The following SCIN variants were observed in gnomAD, a reference collection of about 807,000 sequenced individuals.
SCIN encodes scinderin.
SCIN carries 91 observed loss-of-function variants against 91.8 expected under a neutral mutation model. That is an observed-to-expected ratio of 0.99 (90% confidence interval 0.84 to 1.18). The LOEUF (loss-of-function observed/expected upper bound fraction) is 1.18, where lower values mean the gene tolerates loss of function less well. SCIN is among the 50% of genes most tolerant of loss of function. The pLI, the probability that SCIN is intolerant of heterozygous loss-of-function variation, is 0.00. For synonymous variants in SCIN, 367 were observed against 312.6 expected, an observed-to-expected ratio of 1.17 and a Z score of -1.84; for missense variants, 1,087 against 863.9, an observed-to-expected ratio of 1.26 and a Z score of -3.24.
intron 13 of SCIN, among the ~76,000 whole-genome samples, chr7:12,648,295 C>CTT (rs35618552): frequency 1.8e-3 from 247 of 133,578 alleles, no homozygotes; most frequent in Non-Finnish European, 1.9e-3. Flanking sequence ...CTCTCTCTCT[C>CTT]TTTTTTTTTT....
At chr7:12,586,844 C>T (rs1180871595) in intron 3 of SCIN, among the ~76,000 whole-genome samples, 1 of 152,078 alleles carries the variant, frequency 6.6e-6, no homozygotes, top group Non-Finnish European at 1.5e-5. Flanking sequence ...ATAAATACTT[C>T]ATCTTCTCAC....
At position 12,622,840 on chromosome 7, in the gene SCIN, G is replaced by T; in HGVS notation, c.706G>T (p.Asp236Tyr). ...GCCAGAGCTTCCAGATGGAGGTGAT[G>T]ATGATGACATTATAGCAGACATAAG... ...EKPELPDGGDDDDIIADISNR... is the reference protein window; with the variant it reads ...EKPELPDGGDYDDIIADISNR... Residue 236 changes from aspartate (D) to tyrosine (Y), a missense_variant, in exon 5 of 16, where the codon GAT becomes TAT. Asp to Tyr is a radical substitution (Grantham distance 160). Coordinates refer to ENST00000297029, the MANE Select transcript of SCIN (RefSeq NM_001112706.3). The T allele has an allele frequency of 6.2e-7, 1 of 1,613,262 alleles. No individual in the cohort carries two copies. Among genetic ancestry groups the T allele is most frequent in the Non-Finnish European group, 8.5e-7 (1 of 1,179,406 alleles).
Position 12,622,827 on chromosome 7 carries a change from A to G in SCIN, c.693A>G (p.Pro231=). 1 of 1,613,172 alleles carries G rather than the reference A, an allele frequency of 6.2e-7. No individual in the cohort carries two copies. Among genetic ancestry groups the G allele is most frequent in the Non-Finnish European group, 8.5e-7 (1 of 1,179,346 alleles). Residue 231 remains proline (P), a synonymous_variant, in exon 5 of 16, where the codon CCA becomes CCG. Transcript: ENST00000297029. ...TCTTAGGGGAAAAGCCAGAGCTTCC[A>G]GATGGAGGTGATGATGATGACATTA... is the stretch of plus-strand genomic sequence containing the variant. ...IKVLGEKPEL[P]DGGDDDDIIA...
rs1182872691 is a variant in SCIN at position 12,659,482 on chromosome 7, T to C, written c.*6767T>C. The stretch of plus-strand genomic sequence containing the variant: ...GTTGGGATAAAGAGTCTTCCAAACA[T>C]GTGCCATTTTGGCATGGATATCTAA... On this transcript the variant is annotated 3_prime_UTR_variant, in exon 16 of 16. Coordinates refer to ENST00000297029, the MANE Select transcript of SCIN (RefSeq NM_001112706.3). The C allele has an allele frequency of 6.6e-6, 1 of 152,206 alleles. No homozygotes were observed. Among genetic ancestry groups the C allele is most frequent in the Non-Finnish European group, 1.5e-5 (1 of 68,034 alleles). The allele number at this position is 152,206 out of a possible 1,614,324, so 9.4% of individuals were successfully genotyped here.
rs988985255 is a variant in SCIN, at chr7:12,654,137, G to A, written c.*1422G>A. 3.3e-5 allele frequency: 5 copies of A among 152,114 alleles called. No homozygotes were observed. In the East Asian group the frequency reaches 9.7e-4, roughly 30 times the overall value. The allele number at this position is 152,114 out of a possible 1,614,324, so 9.4% of individuals were successfully genotyped here. A position where few individuals can be genotyped will look rare whatever the true frequency, so the allele number is the denominator to read the frequency against. ...GGGCCCTAAAGGATGAACAATGTAG[G>A]GTCCAACAATTCATCCCACATGAAT... On this transcript the variant is annotated 3_prime_UTR_variant, in exon 16 of 16. Coordinates refer to ENST00000297029, the MANE Select transcript of SCIN (RefSeq NM_001112706.3).
At position 12,620,678 on chromosome 7, in the gene SCIN, A is replaced by G. The variant is rs186879972; in HGVS notation, c.667-2123A>G. ...GTGGGTAGGAGATCCAAATTGGAGG[A>G]GAGGAAGTATTTAAAACTGACCACA... On this transcript the variant is annotated intron_variant, in intron 4 of 15. Coordinates refer to ENST00000297029, the MANE Select transcript of SCIN (RefSeq NM_001112706.3). 2.6e-5 allele frequency among the ~76,000 whole-genome samples: 4 copies of G among 152,276 alleles called. No individual in the cohort carries two copies. The East Asian group carries it at 7.7e-4, about 29-fold the overall frequency.
intron 3 of SCIN, among the ~76,000 whole-genome samples, chr7:12,584,665 A>G (rs1030236213): frequency 6.6e-6 from 1 of 152,206 alleles, no homozygotes; most frequent in Non-Finnish European, 1.5e-5. Flanking sequence ...AGACAATAAC[A>G]TGAAATGTGG....
At position 12,657,556 on chromosome 7, in the gene SCIN, A is replaced by G. The variant is rs1562642314; in HGVS notation, c.*4841A>G. ...TGTGTGTGTATATATATATATATAT[A>G]TATATATATATATATATTTTTTTTT... is the stretch of plus-strand genomic sequence containing the variant. On this transcript the variant is annotated 3_prime_UTR_variant, in exon 16 of 16. Coordinates refer to ENST00000297029, the MANE Select transcript of SCIN (RefSeq NM_001112706.3). 16 of 15,846 alleles carry G rather than the reference A, an allele frequency of 1.0e-3. No individual in the cohort carries two copies. Among genetic ancestry groups the G allele is most frequent in the African/African-American group, 4.0e-3 (15 of 3,706 alleles). 1.0% of individuals were successfully genotyped at this position (15,846 alleles called of 1,614,324 possible).
intron 15 of SCIN, among the ~76,000 whole-genome samples, chr7:12,652,379 G>C (rs551535328): frequency 6.6e-6 from 1 of 152,290 alleles, no homozygotes; most frequent in Non-Finnish European, 1.5e-5. Context: ...AAATCAAAAA[G>C]AAATTGTATT....
chr7:12,635,611 C>CAAAAAAAAAAAAAAAAAAAAAAAA lies in SCIN; in HGVS notation c.1320-426_1320-403dup. On this transcript the variant is annotated intron_variant, in intron 9 of 15. Transcript: ENST00000297029. Reference sequence around the variant, plus strand: ...CGGGCGACAGTGCAGGACTCCGTCTCAAAAAAAAAAAAAAAAAAAAAAAAA... The same window carrying CAAAAAAAAAAAAAAAAAAAAAAAA: ...CGGGCGACAGTGCAGGACTCCGTCTCAAAAAAAAAAAAAAAAAAAAAAAAAAAAAAAAAAAAAAAAAAAAAAAAA... Among the ~76,000 whole-genome samples, 2 of 5,856 alleles carry CAAAAAAAAAAAAAAAAAAAAAAAA rather than the reference C, an allele frequency of 3.4e-4. 1 individual carries two copies. The highest frequency in any genetic ancestry group is 9.0e-4 in the Non-Finnish European group (2 of 2,224). 3.8% of individuals were successfully genotyped at this position (5,856 alleles called of 152,430 possible). A position where few individuals can be genotyped will look rare whatever the true frequency, so the allele number is the denominator to read the frequency against.
At chr7:12,571,695 A>T in intron 1 of SCIN, 1 of 369,274 alleles carries the variant, frequency 2.7e-6, no homozygotes, top group Non-Finnish European at 5.4e-6. Context: ...ATATTTATGT[A>T]GACTGCTTTA....
intron 1 of SCIN, chr7:12,577,514 A>G: frequency 2.2e-6 from 1 of 456,196 alleles, no homozygotes; most frequent in Non-Finnish European, 4.4e-6. Flanking sequence ...ACTTCACACA[A>G]CAGTGTTTCT....
At chr7:12,596,571 T>C (rs551996267) in intron 3 of SCIN, 1 of 388,196 alleles carries the variant, frequency 2.6e-6, no homozygotes, top group Admixed American at 2.8e-5. Flanking sequence ...CATGCCTGCG[T>C]AACTACCTGT....
chr7:12,650,003 C>A (rs906849362), intron 14 of SCIN, among the ~76,000 whole-genome samples: 2 of 152,088 alleles, frequency 1.3e-5, no homozygotes, highest in African/African-American at 2.4e-5. Context: ...AAAATATGTT[C>A]CTGTTTTATT....
chr7:12,632,798 G>A (rs1164140660), intron 9 of SCIN, among the ~76,000 whole-genome samples: 1 of 152,134 alleles, frequency 6.6e-6, no homozygotes, highest in Non-Finnish European at 1.5e-5. Context: ...GCACCACATC[G>A]GTAAAAGTTA....
At chr7:12,581,672 A>G (rs1782491059) in intron 3 of SCIN, among the ~76,000 whole-genome samples, 1 of 152,230 alleles carries the variant, frequency 6.6e-6, no homozygotes, top group African/African-American at 2.4e-5. Flanking sequence ...TACACACACC[A>G]TACCATTTCA....
intron 4 of SCIN, among the ~76,000 whole-genome samples, chr7:12,605,916 A>G (rs916513693): frequency 3.9e-5 from 6 of 152,206 alleles, no homozygotes; most frequent in African/African-American, 1.4e-4. Flanking sequence ...TGCATCATTT[A>G]CTTAACGATT....
Position 12,644,148 on chromosome 7 carries a change from A to C in SCIN, c.1592A>C (p.Asp531Ala). The C allele has an allele frequency of 6.2e-7, 1 of 1,612,174 alleles. No homozygotes were observed. Among genetic ancestry groups the C allele is most frequent in the Non-Finnish European group, 8.5e-7 (1 of 1,178,930 alleles). The change falls in exon 12 of 16, where the codon GAT becomes GCT. Residue 531 changes from aspartate to alanine, a missense_variant. Coordinates refer to ENST00000297029, the MANE Select transcript of SCIN (RefSeq NM_001112706.3). ...TTCTTCATATTCCAGGTTGATGTTG[A>C]TGCAAATTCACTGAATTCTAACGAT... ...SITRIVEVDVDANSLNSNDVF... is the reference protein window; with the variant it reads ...SITRIVEVDVAANSLNSNDVF...
intron 3 of SCIN, among the ~76,000 whole-genome samples, chr7:12,585,696 A>C (rs563823763): frequency 1.3e-4 from 20 of 152,344 alleles, no homozygotes; most frequent in Non-Finnish European, 2.2e-4. Flanking sequence ...CTCTACATTC[A>C]TTTAATTGCT....
Sources: allele counts gnomAD v4.1 joint callset (sites outside exome capture counted in the v4.1 genomes callset), GRCh38; gene constraint gnomAD v4.1.1; transcripts MANE v1.5; gene names NCBI Gene and HGNC (gene_info 2026-07-23, HGNC 2026-07-21).